The following LPP variants were observed in gnomAD, a reference collection of about 807,000 sequenced individuals.
The protein encoded by LPP is lipoma-preferred partner.
LPP carries 38 observed loss-of-function variants against 60.4 expected under a neutral mutation model. That is an observed-to-expected ratio of 0.63 (90% CI 0.49 to 0.83). The LOEUF is 0.83. Ranked by LOEUF, LPP falls within the 40% of genes least tolerant of loss-of-function variation. The pLI, the probability that LPP is intolerant of heterozygous loss-of-function variation, is 0.00. For synonymous variants in LPP, 328 were observed against 290.8 expected, an observed-to-expected ratio of 1.13 and a Z score of -1.30; for missense variants, 902 against 783.6, an observed-to-expected ratio of 1.15 and a Z score of -1.80.
rs75336129 is a variant in LPP, at chr3:188,185,671, A to G, written c.-190+31419A>G. On this transcript the variant is annotated intron_variant, in intron 1 of 11. Transcript: ENST00000617246. Reference sequence around the variant, plus strand: ...AGCTACTTTTTCTTCACATGTTTCAATCATTTCCATTTGTTTGGGTCAAGC... The same window carrying G: ...AGCTACTTTTTCTTCACATGTTTCAGTCATTTCCATTTGTTTGGGTCAAGC... Among the ~76,000 whole-genome samples, 42 of 152,242 alleles carry G rather than the reference A, an allele frequency of 2.8e-4. No individual in the cohort carries two copies. In the East Asian group the frequency reaches 7.4e-3, roughly 27 times the overall value.
chr3:188,329,243 G>A (rs149707742), intron 2 of LPP, among the ~76,000 whole-genome samples: 5 of 152,252 alleles, frequency 3.3e-5, no homozygotes, highest in African/African-American at 7.2e-5. Flanking sequence ...AGTTAGTGGC[G>A]GAGCTGGGAC....
rs1553782707 is a variant in LPP, at chr3:188,657,258, G to GTGTATATATATATATATATATATA, written c.1113+47415_1113+47416insGTATATATATATATATATATATAT. ...ATAAGTTTTCAAGAGCTGTCAAGGT[G>GTGTATATATATATATATATATATA]TATATATATATATATATATATATTT... On this transcript the variant is annotated intron_variant, in intron 7 of 11. Coordinates refer to ENST00000617246, the MANE Select transcript of LPP (RefSeq NM_001375462.1). Among the ~76,000 whole-genome samples the GTGTATATATATATATATATATATA allele has an allele frequency of 5.7e-3, 510 of 89,730 alleles. 9 individuals are homozygous for GTGTATATATATATATATATATATA. The highest frequency in any genetic ancestry group is 0.036 in the East Asian group (70 of 1,930). The allele number at this position is 89,730 out of a possible 152,430, so 58.9% of individuals were successfully genotyped here. A position where few individuals can be genotyped will look rare whatever the true frequency, so the allele number is the denominator to read the frequency against.
intron 9 of LPP, among the ~76,000 whole-genome samples, chr3:188,854,724 A>G (rs185075484): frequency 7.9e-5 from 12 of 152,330 alleles, no homozygotes; most frequent in Middle Eastern, 6.8e-3. Context: ...AAGCTTTTCT[A>G]TCATCCCCAG....
chr3:188,609,238 A>AC lies in LPP; in HGVS notation c.512dup (p.Leu172SerfsTer51). The AC allele has an allele frequency of 6.2e-7, 1 of 1,613,720 alleles. No homozygotes were observed. The highest frequency in any genetic ancestry group is 8.5e-7 in the Non-Finnish European group (1 of 1,179,936). ...ACAAGAGAATGGTCATCCCGAACCA[A>AC]CCCCCTCTAACAGCAACCAAGAAGT... On this transcript the variant is annotated frameshift_variant, in exon 7 of 12. Coordinates refer to ENST00000617246, the MANE Select transcript of LPP (RefSeq NM_001375462.1). LOFTEE classifies it high-confidence loss of function. This position sits in a 1 kb window ranked among gnomAD's most constrained non-coding sequence, Gnocchi z 6.9.
intron 1 of LPP, among the ~76,000 whole-genome samples, chr3:188,194,110 T>A (rs983017094): frequency 6.6e-6 from 1 of 152,212 alleles, no homozygotes; most frequent in East Asian, 1.9e-4. Flanking sequence ...CTCCCTATTC[T>A]CTGTTGGTGA....
At chr3:188,269,836 C>T (rs13066789) in intron 2 of LPP, among the ~76,000 whole-genome samples, 77,108 of 151,800 alleles carry the variant, frequency 0.51, 20,200 homozygotes, top group Middle Eastern at 0.64. Context: ...TTAGTAGAGA[C>T]GAGGTTTCAC....
intron 3 of LPP, among the ~76,000 whole-genome samples, chr3:188,365,662 G>T (rs1770900660): frequency 6.7e-6 from 1 of 149,574 alleles, no homozygotes; most frequent in Non-Finnish European, 1.5e-5. Context: ...TCTTGGTAAT[G>T]TCTTTCTTTC....
chr3:188,308,622 T>A (rs1752274723), intron 2 of LPP, among the ~76,000 whole-genome samples: 1 of 152,318 alleles, frequency 6.6e-6, no homozygotes, highest in Non-Finnish European at 1.5e-5. Context: ...TCAGCCTTGC[T>A]GGTGGAGTCA....
intron 1 of LPP, among the ~76,000 whole-genome samples, chr3:188,167,413 G>A (rs950056268): frequency 2.0e-5 from 3 of 152,128 alleles, no homozygotes; most frequent in African/African-American, 7.2e-5. Flanking sequence ...CAGTAGAATT[G>A]CTTGAACCCA....
chr3:188,661,532 T>C (rs1854573199), intron 7 of LPP, among the ~76,000 whole-genome samples: 1 of 152,238 alleles, frequency 6.6e-6, no homozygotes, highest in African/African-American at 2.4e-5. Context: ...GTCAGACTTT[T>C]GGATTTTGCC....
chr3:188,364,287 A>C (rs1248272714), intron 3 of LPP, among the ~76,000 whole-genome samples: 1 of 152,324 alleles, frequency 6.6e-6, no homozygotes, highest in East Asian at 1.9e-4. Flanking sequence ...AGACTTGCTT[A>C]ACTTCTGCCC....
intron 2 of LPP, among the ~76,000 whole-genome samples, chr3:188,327,426 A>ACACAGAAATCCT (rs1758744003): frequency 7.9e-6 from 1 of 126,724 alleles, no homozygotes; most frequent in Admixed American, 7.7e-5. Flanking sequence ...ATGGATCCTT[A>ACACAGAAATCCT]TATTGGATCT....
chr3:188,469,508 C>T (rs917542827), intron 4 of LPP, among the ~76,000 whole-genome samples: 1 of 152,062 alleles, frequency 6.6e-6, no homozygotes, highest in Non-Finnish European at 1.5e-5. Context: ...GTAATACTCC[C>T]CTACCCAGGG....
At chr3:188,194,810 T>C (rs1729078164) in intron 1 of LPP, among the ~76,000 whole-genome samples, 1 of 152,220 alleles carries the variant, frequency 6.6e-6, no homozygotes, top group Non-Finnish European at 1.5e-5. Context: ...ATGTGAGTTT[T>C]ACAATGAACC....
Position 188,406,233 on chromosome 3 carries a change from C to T in LPP, c.113C>T (p.Thr38Ile). 1 of 1,614,166 alleles carries T rather than the reference C, an allele frequency of 6.2e-7. No individual in the cohort carries two copies. The highest frequency in any genetic ancestry group is 8.5e-7 in the Non-Finnish European group (1 of 1,180,000). ...SFGNPSISVS[T>I]QQPPKKFAPV... ...GGGAACCCCAGCATTTCAGTGTCTA[C>T]ACAACAGCCACCCAAAAAGTTTGCC... The change falls in exon 4 of 12, where the codon ACA becomes ATA. Residue 38 changes from threonine (T) to isoleucine (I), a missense_variant. Transcript: ENST00000617246.
intron 9 of LPP, among the ~76,000 whole-genome samples, chr3:188,796,776 A>G (rs1745480085): frequency 6.6e-6 from 1 of 152,172 alleles, no homozygotes; most frequent in Non-Finnish European, 1.5e-5. Context: ...CATCTTATCT[A>G]CAACTTTTTG....
intron 4 of LPP, among the ~76,000 whole-genome samples, chr3:188,471,532 G>C (rs1801843438): frequency 6.6e-6 from 1 of 152,124 alleles, no homozygotes; most frequent in Non-Finnish European, 1.5e-5. Flanking sequence ...AAAAGGAAAA[G>C]GGTTTTCCAC....
intron 3 of LPP, among the ~76,000 whole-genome samples, chr3:188,363,720 C>A (rs972674052): frequency 6.6e-6 from 1 of 151,982 alleles, no homozygotes; most frequent in Non-Finnish European, 1.5e-5. Flanking sequence ...GCCTGGCCAA[C>A]ATGGTGAAAC....
chr3:188,660,239 C>G (rs1172118884), intron 7 of LPP, among the ~76,000 whole-genome samples: 2 of 152,176 alleles, frequency 1.3e-5, no homozygotes, highest in Non-Finnish European at 2.9e-5. Flanking sequence ...CCTTCCCCAA[C>G]TTTGTTTACC....
Sources: allele counts gnomAD v4.1 joint callset (sites outside exome capture counted in the v4.1 genomes callset), GRCh38; gene constraint gnomAD v4.1.1; non-coding constraint Gnocchi (gnomAD v3.1); transcripts MANE v1.5; gene names NCBI Gene and HGNC (gene_info 2026-07-23, HGNC 2026-07-21).